KDM4C: variants seen among roughly 807,000 people sequenced by gnomAD.
The protein encoded by KDM4C is lysine demethylase 4C.
In KDM4C, 81 loss-of-function variants were observed where a neutral mutation model predicts 129.3. The observed-to-expected ratio is 0.63, with a 90% CI of 0.52 to 0.75. The LOEUF is 0.75. Ranked by LOEUF, KDM4C falls within the 30% of genes least tolerant of loss-of-function variation. The pLI is 0.00. For missense variants in KDM4C, 1,457 were observed against 1,304.0 expected, an observed-to-expected ratio of 1.12 and a Z score of -1.81; for synonymous variants, 573 against 456.1, an observed-to-expected ratio of 1.26 and a Z score of -3.26.
chr9:6,924,186 A>C (rs538836113), intron 8 of KDM4C, among the ~76,000 whole-genome samples: 2 of 152,292 alleles, frequency 1.3e-5, no homozygotes, highest in East Asian at 3.9e-4. Context: ...CTGGAGAGAG[A>C]AAGTGGTTAC....
chr9:7,126,739 T>C (rs1420424102), intron 18 of KDM4C, among the ~76,000 whole-genome samples: 1 of 152,154 alleles, frequency 6.6e-6, no homozygotes, highest in Non-Finnish European at 1.5e-5. Flanking sequence ...TATCTGAGTT[T>C]CTAATGTCAC....
intron 4 of KDM4C, among the ~76,000 whole-genome samples, chr9:6,829,508 A>G (rs7870453): frequency 0.093 from 14,232 of 152,288 alleles, 882 homozygotes; most frequent in East Asian, 0.26. Context: ...TTCAGCTGGA[A>G]AAAACTTTGG....
chr9:7,060,998 G>A (rs927918043), intron 17 of KDM4C, among the ~76,000 whole-genome samples: 6 of 152,044 alleles, frequency 3.9e-5, no homozygotes, highest in South Asian at 2.1e-4. Flanking sequence ...CAATCTGTCC[G>A]CCCATCCATC....
chr9:6,789,005 C>CA (rs1825999669), intron 1 of KDM4C, among the ~76,000 whole-genome samples: 1 of 150,892 alleles, frequency 6.6e-6, no homozygotes, highest in African/African-American at 2.4e-5. Context: ...TGATGATGGA[C>CA]GAGGCCATAG....
Position 7,166,779 on chromosome 9 carries a change from A to G in KDM4C, c.2901+1422A>G, listed in dbSNP as rs572088224. 1.1e-4 allele frequency among the ~76,000 whole-genome samples: 16 copies of G among 152,362 alleles called. No individual in the cohort carries two copies. The South Asian group carries it at 2.3e-3, about 22-fold the overall frequency. On this transcript the variant is annotated intron_variant, in intron 20 of 21. Transcript: ENST00000381309. ...GAATATGTTGAAATTCAGGCTAATTAGTAATCAGTGTGTTAACTTCAGTTG... is the reference window on the plus strand; with the variant it reads ...GAATATGTTGAAATTCAGGCTAATTGGTAATCAGTGTGTTAACTTCAGTTG...
intron 2 of KDM4C, among the ~76,000 whole-genome samples, chr9:6,802,767 T>C (rs1829250301): frequency 6.6e-6 from 1 of 152,144 alleles, no homozygotes; most frequent in South Asian, 2.1e-4. Flanking sequence ...CCACCACGTT[T>C]GGCTAATTTT....
rs145745238 is a variant in KDM4C, at chr9:7,085,678, T to G, written c.2425-18007T>G. Among the ~76,000 whole-genome samples, 924 of 152,282 alleles carry G rather than the reference T, an allele frequency of 6.1e-3. 8 individuals carry two copies. Among genetic ancestry groups the G allele is most frequent in the Middle Eastern group, 0.024 (7 of 294 alleles). On this transcript the variant is annotated intron_variant, in intron 17 of 21. Transcript: ENST00000381309. ...CGAGAGGGTTTTTTTATATTTTAAT[T>G]TATTTTTTCTGTTGTTATGTTTATC...
chr9:6,804,429 G>A (rs1031850884), intron 2 of KDM4C, among the ~76,000 whole-genome samples: 2 of 152,270 alleles, frequency 1.3e-5, no homozygotes, highest in East Asian at 1.9e-4. Context: ...CTAGCATACC[G>A]CTGTGCTATC....
chr9:6,949,110 A>T (rs1423059106), intron 8 of KDM4C, among the ~76,000 whole-genome samples: 3 of 140,638 alleles, frequency 2.1e-5, no homozygotes, highest in African/African-American at 8.3e-5. Context: ...CCGGGTGGAG[A>T]CGCTCCTCAC....
At chr9:7,136,518 C>T (rs996398288) in intron 19 of KDM4C, among the ~76,000 whole-genome samples, 1 of 152,184 alleles carries the variant, frequency 6.6e-6, no homozygotes, top group Admixed American at 6.5e-5. Flanking sequence ...GGACAATAAC[C>T]ATTGTAGTGG....
chr9:7,039,525 A>ACC (rs1221335041), intron 15 of KDM4C, among the ~76,000 whole-genome samples: 1 of 151,912 alleles, frequency 6.6e-6, no homozygotes, highest in African/African-American at 2.4e-5. Context: ...AGAGGTGCTG[A>ACC]CCCCCAGTTC....
intron 4 of KDM4C, among the ~76,000 whole-genome samples, chr9:6,830,081 G>A (rs1044678325): frequency 6.6e-6 from 1 of 152,000 alleles, no homozygotes; most frequent in Non-Finnish European, 1.5e-5. Context: ...ATTTTTTTTA[G>A]TGTTTTCCTT....
chr9:6,834,758 C>G lies in KDM4C; in HGVS notation c.436-14749C>G, dbSNP rs923185541. On this transcript the variant is annotated intron_variant, in intron 4 of 21. Transcript: ENST00000381309. ...GCTGCATGTGGTTCCCGAGGAGCAT[C>G]CCATGCTGCTGACCGAGGCCCCCCT... is the stretch of plus-strand genomic sequence containing the variant. 30 of 1,118,096 alleles carry G rather than the reference C, an allele frequency of 2.7e-5. No homozygotes were observed. The African/African-American group carries it at 4.3e-4, about 16-fold the overall frequency. 69.3% of individuals were successfully genotyped at this position (1,118,096 alleles called of 1,614,324 possible).
Position 6,990,469 on chromosome 9 carries a change from G to T in KDM4C, c.1731G>T (p.Arg577Ser). ...TSKSWRHPLS[R>S]PPARSPMTLV... is the part of the protein sequence containing the mutation. ...AGAGTTGGCGCCATCCACTTAGCAG[G>T]CCTCCAGCAAGATCTCCGATGACTC... Residue 577 changes from arginine (R) to serine (S), a missense_variant, in exon 12 of 22, where the codon AGG becomes AGT. Arg to Ser is a moderately radical substitution (Grantham distance 110). Coordinates refer to ENST00000381309, the MANE Select transcript of KDM4C (RefSeq NM_015061.6). 1 of 1,613,302 alleles carries T rather than the reference G, an allele frequency of 6.2e-7. No individual in the cohort carries two copies. The highest frequency in any genetic ancestry group is 8.5e-7 in the Non-Finnish European group (1 of 1,179,822).
chr9:7,009,148 G>A (rs1331627326), intron 12 of KDM4C, among the ~76,000 whole-genome samples: 2 of 152,182 alleles, frequency 1.3e-5, no homozygotes, highest in Non-Finnish European at 2.9e-5. Flanking sequence ...AATGAAATCA[G>A]GAAGACAATG....
intron 8 of KDM4C, among the ~76,000 whole-genome samples, chr9:6,953,886 C>T (rs1828608526): frequency 6.6e-6 from 1 of 152,162 alleles, no homozygotes; most frequent in East Asian, 1.9e-4. Context: ...AAATCTGGTT[C>T]CTCTTCCAAC....
chr9:6,767,285 C>A (rs1002694625), intron 1 of KDM4C, among the ~76,000 whole-genome samples: 1 of 151,374 alleles, frequency 6.6e-6, no homozygotes, highest in African/African-American at 2.4e-5. Context: ...ACTACAGGCA[C>A]CCCTCACCTC....
rs535530550 is a variant in KDM4C, at chr9:6,776,387, G to A, written c.-17-16585G>A. Among the ~76,000 whole-genome samples, 6 of 152,002 alleles carry A rather than the reference G, an allele frequency of 3.9e-5. No homozygotes were observed. The East Asian group carries it at 9.7e-4, about 25-fold the overall frequency. ...CAAGTGATTCCTGCCTCAGCCTCCC[G>A]AGAAGCTGGGAATACGGGCCAATGC... On this transcript the variant is annotated intron_variant, in intron 1 of 21. Coordinates refer to ENST00000381309, the MANE Select transcript of KDM4C (RefSeq NM_015061.6).
chr9:7,021,220 C>T (rs1027960180), intron 15 of KDM4C, among the ~76,000 whole-genome samples: 4 of 151,310 alleles, frequency 2.6e-5, no homozygotes, highest in South Asian at 4.2e-4. Context: ...GGCACAATCT[C>T]GGCTCACTGC....
Sources: gnomAD v4.1 joint callset for allele counts (sites outside exome capture counted in the v4.1 genomes callset) on GRCh38, gnomAD v4.1.1 for gene constraint, MANE v1.5 for transcripts, NCBI Gene and HGNC (gene_info 2026-07-23, HGNC 2026-07-21) for gene names.